Variants in TMEM74 observed in about 807,000 individuals in gnomAD.
The protein encoded by TMEM74 is transmembrane protein 74.
In TMEM74, 13 loss-of-function variants were observed where a neutral mutation model predicts 18.1. That is an observed-to-expected ratio of 0.72 (90% CI 0.47 to 1.14). The LOEUF (loss-of-function observed/expected upper bound fraction) is 1.14, where lower values mean the gene tolerates loss of function less well. Among genes scored for constraint, TMEM74 ranks in the 50% most tolerant of loss-of-function variants. TMEM74 has a pLI of 0.00. For missense variants in TMEM74, 372 were observed against 375.9 expected, an observed-to-expected ratio of 0.99 and a Z score of 0.09; for synonymous variants, 159 against 146.6, an observed-to-expected ratio of 1.08 and a Z score of -0.61.
At chr8:108,686,535 C>T (rs767025069) in intron 1 of TMEM74, among the ~76,000 whole-genome samples, 22 of 152,038 alleles carry the variant, frequency 1.4e-4, no homozygotes, top group Non-Finnish European at 2.8e-4. Flanking sequence ...CAGAATTGTG[C>T]TCTTTATTGG....
chr8:108,705,301 G>C (rs1377585205), intron 1 of TMEM74, among the ~76,000 whole-genome samples: 1 of 152,192 alleles, frequency 6.6e-6, no homozygotes, highest in African/African-American at 2.4e-5. Flanking sequence ...GAGAAGGAAG[G>C]TTATTTATCT....
At chr8:108,659,968 T>G (rs144067617) in intron 1 of TMEM74, among the ~76,000 whole-genome samples, 52 of 152,288 alleles carry the variant, frequency 3.4e-4, no homozygotes, top group African/African-American at 1.2e-3. Context: ...CCAGAGCTCC[T>G]GAGACATTGA....
chr8:108,667,248 G>A (rs1812957796), intron 1 of TMEM74, among the ~76,000 whole-genome samples: 1 of 152,268 alleles, frequency 6.6e-6, no homozygotes, highest in Non-Finnish European at 1.5e-5. Context: ...TTGTGAGTAG[G>A]CACATAAGAC....
intron 2 of TMEM74, among the ~76,000 whole-genome samples, chr8:108,644,832 A>T (rs1187465867): frequency 6.6e-6 from 1 of 152,200 alleles, no homozygotes; most frequent in Non-Finnish European, 1.5e-5. Flanking sequence ...AATGGCTACT[A>T]TTAAATAGTC....
At chr8:108,785,976 C>T (rs1378270762) in intron 1 of TMEM74, among the ~76,000 whole-genome samples, 3 of 152,214 alleles carry the variant, frequency 2.0e-5, no homozygotes, top group South Asian at 4.1e-4. Context: ...CACCTGCCTG[C>T]TCCAGCTGCA....
chr8:108,679,677 T>G (rs1813092721), intron 1 of TMEM74, among the ~76,000 whole-genome samples: 1 of 152,102 alleles, frequency 6.6e-6, no homozygotes, highest in Admixed American at 6.6e-5. Context: ...GTTGTGAAAA[T>G]TTTCTCCCAT....
chr8:108,715,906 A>C (rs939099075), intron 1 of TMEM74, among the ~76,000 whole-genome samples: 3 of 152,120 alleles, frequency 2.0e-5, no homozygotes, highest in African/African-American at 7.2e-5. Context: ...ACAATATAGA[A>C]TTTGAAGTGA....
At chr8:108,708,510 G>T (rs549206889) in intron 1 of TMEM74, among the ~76,000 whole-genome samples, 2 of 151,746 alleles carry the variant, frequency 1.3e-5, no homozygotes, top group Non-Finnish European at 1.5e-5. Flanking sequence ...CCTTTTCTCC[G>T]CAGCCTCACC....
At chr8:108,643,114 A>G (rs745799919) in intron 2 of TMEM74, among the ~76,000 whole-genome samples, 5 of 152,178 alleles carry the variant, frequency 3.3e-5, no homozygotes, top group Non-Finnish European at 5.9e-5. Context: ...ATAAATAGCT[A>G]ATTTCAAGAG....
intron 1 of TMEM74, among the ~76,000 whole-genome samples, chr8:108,698,271 G>A (rs569412845): frequency 6.6e-6 from 1 of 152,052 alleles, no homozygotes; most frequent in African/African-American, 2.4e-5. Flanking sequence ...TAACTGAAAG[G>A]GTGCTTTATC....
intron 2 of TMEM74, among the ~76,000 whole-genome samples, chr8:108,630,669 T>G (rs965077677): frequency 6.6e-6 from 1 of 151,980 alleles, no homozygotes; most frequent in African/African-American, 2.4e-5. Flanking sequence ...ATTAAGAAAT[T>G]CACTCAAAAC....
intron 2 of TMEM74, among the ~76,000 whole-genome samples, chr8:108,620,926 G>A (rs888325957): frequency 2.2e-4 from 34 of 152,124 alleles, no homozygotes; most frequent in African/African-American, 8.0e-4. Context: ...TTCAGTTTGA[G>A]GAATCCAGAG....
chr8:108,740,355 A>C (rs1813788028), intron 1 of TMEM74, among the ~76,000 whole-genome samples: 1 of 152,146 alleles, frequency 6.6e-6, no homozygotes, highest in Non-Finnish European at 1.5e-5. Context: ...TAATGACCTA[A>C]CCTTCAAAGA....
chr8:108,777,680 G>A (rs1049467905), downstream of TMEM74, among the ~76,000 whole-genome samples: 2 of 152,138 alleles, frequency 1.3e-5, no homozygotes, highest in Admixed American at 6.5e-5. Flanking sequence ...TAATTTTAGT[G>A]AAGGAGTCCC....
chr8:108,688,312 A>G (rs114296580), intron 1 of TMEM74, among the ~76,000 whole-genome samples: 25 of 152,320 alleles, frequency 1.6e-4, no homozygotes, highest in African/African-American at 6.0e-4. Context: ...TTCTTCCACA[A>G]TGAAGGCTTT....
chr8:108,750,392 A>C (rs926805744), intron 1 of TMEM74, among the ~76,000 whole-genome samples: 1 of 152,182 alleles, frequency 6.6e-6, no homozygotes, highest in Admixed American at 6.6e-5. Context: ...CAAGGAACTC[A>C]TAAGTGAGAG....
intron 1 of TMEM74, among the ~76,000 whole-genome samples, chr8:108,677,077 G>A (rs1011723294): frequency 2.0e-5 from 3 of 152,162 alleles, no homozygotes; most frequent in African/African-American, 4.8e-5. Flanking sequence ...TGTAAAATAC[G>A]TCATCGTAAA....
At chr8:108,772,771 G>T (rs1814187671) in intron 1 of TMEM74, among the ~76,000 whole-genome samples, 1 of 152,132 alleles carries the variant, frequency 6.6e-6, no homozygotes, top group Admixed American at 6.6e-5. Flanking sequence ...AGTGTATTAA[G>T]TGATTTGAAT....
intron 1 of TMEM74, among the ~76,000 whole-genome samples, chr8:108,748,338 T>C (rs1320080375): frequency 1.3e-5 from 2 of 152,238 alleles, no homozygotes; most frequent in African/African-American, 2.4e-5. Flanking sequence ...TTATTTCATA[T>C]GTTTGTTGGC....
Sources: gnomAD v4.1 joint callset for allele counts (sites outside exome capture counted in the v4.1 genomes callset) on GRCh38, gnomAD v4.1.1 for gene constraint, MANE v1.5 for transcripts, NCBI Gene and HGNC (gene_info 2026-07-23, HGNC 2026-07-21) for gene names.